The following SUMF1 variants were observed in gnomAD, a reference collection of about 807,000 sequenced individuals.
SUMF1 encodes sulfatase modifying factor 1.
SUMF1 carries 48 observed loss-of-function variants against 47.6 expected under a neutral mutation model. The observed-to-expected ratio is 1.01, with a 90% CI of 0.80 to 1.28. The LOEUF (loss-of-function observed/expected upper bound fraction) is 1.28. Ranked by LOEUF, SUMF1 falls within the 50% of genes most tolerant of loss-of-function variation. SUMF1 has a pLI of 0.00. For synonymous variants in SUMF1, 230 were observed against 192.1 expected (o/e 1.20, Z -1.63); for missense variants, 571 against 485.4 (o/e 1.18, Z -1.66).
intron 8 of SUMF1, among the ~76,000 whole-genome samples, chr3:4,210,867 C>T (rs1247715506): frequency 2.0e-5 from 3 of 151,630 alleles, no homozygotes; most frequent in Admixed American, 1.3e-4. Flanking sequence ...GTGGGCACCA[C>T]CTAATCAGCT....
chr3:4,343,983 C>T (rs1231480143), intron 8 of SUMF1, among the ~76,000 whole-genome samples: 2 of 152,150 alleles, frequency 1.3e-5, no homozygotes, highest in Non-Finnish European at 2.9e-5. Context: ...AGAACTTTCA[C>T]AAGATATACA....
At chr3:4,123,195 C>T (rs1693582672) in intron 8 of SUMF1, among the ~76,000 whole-genome samples, 1 of 152,002 alleles carries the variant, frequency 6.6e-6, no homozygotes, top group African/African-American at 2.4e-5. Context: ...ATGCAATGGT[C>T]AAGGAAGCAT....
intron 8 of SUMF1, among the ~76,000 whole-genome samples, chr3:4,311,861 C>A (rs1698418374): frequency 1.3e-5 from 2 of 152,144 alleles, no homozygotes; most frequent in South Asian, 4.1e-4. Flanking sequence ...TTACTATATA[C>A]ATAAAAAAAT....
chr3:4,465,954 G>C (rs1013319288), intron 1 of SUMF1, among the ~76,000 whole-genome samples: 4 of 152,096 alleles, frequency 2.6e-5, no homozygotes, highest in Non-Finnish European at 5.9e-5. Flanking sequence ...CCAAAGGAAA[G>C]AAAAATGGAA....
At chr3:4,316,303 A>G in intron 8 of SUMF1, 2 of 1,107,804 alleles carry the variant, frequency 1.8e-6, no homozygotes, top group Non-Finnish European at 2.6e-6. Flanking sequence ...ACAACTCGCA[A>G]CATCAACAAT....
At chr3:4,253,632 T>C (rs1024578681) in intron 8 of SUMF1, among the ~76,000 whole-genome samples, 11 of 151,660 alleles carry the variant, frequency 7.3e-5, no homozygotes, top group Non-Finnish European at 1.5e-4. Context: ...ATCTCGCTGA[T>C]TGCTAGCACA....
At chr3:4,060,556 A>T (rs549445805) in intron 9 of SUMF1, among the ~76,000 whole-genome samples, 42 of 152,292 alleles carry the variant, frequency 2.8e-4, no homozygotes, top group African/African-American at 9.9e-4. Context: ...CTTGGGTAGG[A>T]CCCCATATTC....
intron 9 of SUMF1, among the ~76,000 whole-genome samples, chr3:4,038,057 C>T (rs1478574040): frequency 1.3e-5 from 2 of 152,148 alleles, no homozygotes; most frequent in African/African-American, 4.8e-5. Context: ...GTTCCTCTCC[C>T]ACTTAAGAGC....
chr3:4,154,224 C>T (rs146470702), intron 8 of SUMF1, among the ~76,000 whole-genome samples: 16 of 151,598 alleles, frequency 1.1e-4, no homozygotes, highest in Middle Eastern at 3.4e-3. Context: ...TGGAGAAAGG[C>T]ATGATGGTGG....
chr3:4,336,360 TG>T (rs1471700585), intron 8 of SUMF1, among the ~76,000 whole-genome samples: 1 of 152,150 alleles, frequency 6.6e-6, no homozygotes, highest in Non-Finnish European at 1.5e-5. Flanking sequence ...AGAGGGAGTG[TG>T]GAAGAGTCCA....
intron 8 of SUMF1, among the ~76,000 whole-genome samples, chr3:4,241,873 G>T (rs1051156140): frequency 2.0e-5 from 3 of 152,112 alleles, no homozygotes; most frequent in Non-Finnish European, 4.4e-5. Context: ...ATTTACATAG[G>T]GCCTAGAGAT....
chr3:4,284,441 A>AAGGAGGAGGAGG (rs72201582), intron 8 of SUMF1, among the ~76,000 whole-genome samples: 2,590 of 91,502 alleles, frequency 0.028, 61 homozygotes, highest in African/African-American at 0.046. Flanking sequence ...TAAAAAATGA[A>AAGGAGGAGGAGG]AGGAGGAGGA....
In SUMF1 at chr3:4,302,279, T is replaced by C. The variant is rs116284081; in HGVS notation, c.1014+74051A>G. 3.0e-3 allele frequency among the ~76,000 whole-genome samples: 460 copies of C among 152,218 alleles called. 2 individuals are homozygous for C. The highest frequency in any genetic ancestry group is 0.011 in the African/African-American group (444 of 41,520). ...AATACATCAATCAATACATGTAAGA[T>C]TGGTTGGATCTGGAAAGGCAGACAA... On this transcript the variant is annotated intron_variant and NMD_transcript_variant, in intron 8 of 12. Transcript: ENST00000448413.
intron 8 of SUMF1, among the ~76,000 whole-genome samples, chr3:4,165,751 G>T (rs1054490745): frequency 6.6e-6 from 1 of 151,816 alleles, no homozygotes; most frequent in Non-Finnish European, 1.5e-5. Flanking sequence ...TTCAAAGTTT[G>T]TGGGTCAAAT....
intron 8 of SUMF1, among the ~76,000 whole-genome samples, chr3:4,192,617 T>G (rs1229649622): frequency 6.6e-6 from 1 of 152,126 alleles, no homozygotes; most frequent in Admixed American, 6.6e-5. Flanking sequence ...TTTCCTGAGA[T>G]AGAAGTGTCT....
intron 9 of SUMF1, among the ~76,000 whole-genome samples, chr3:4,049,266 GGCAAATAATTCAATA>G (rs1019203496): frequency 6.6e-6 from 1 of 152,124 alleles, no homozygotes; most frequent in African/African-American, 2.4e-5. Flanking sequence ...ATGGGGCAAA[GGCAAATAATTCAATA>G]GCTCTCACAG....
intron 8 of SUMF1, among the ~76,000 whole-genome samples, chr3:4,168,850 G>A (rs1484753538): frequency 6.6e-6 from 1 of 152,146 alleles, no homozygotes; most frequent in Non-Finnish European, 1.5e-5. Context: ...ACTGGTTACA[G>A]TTGATATAAA....
intron 8 of SUMF1, among the ~76,000 whole-genome samples, chr3:4,081,904 A>G (rs2125045703): frequency 6.6e-6 from 1 of 152,266 alleles, no homozygotes; most frequent in Admixed American, 6.5e-5. Context: ...TTAACTGCCA[A>G]TAGTGTTAGT....
At chr3:4,099,696 A>C (rs1297725035) in intron 8 of SUMF1, among the ~76,000 whole-genome samples, 2 of 152,070 alleles carry the variant, frequency 1.3e-5, no homozygotes, top group Non-Finnish European at 2.9e-5. Flanking sequence ...ACATGATCTT[A>C]TATAGAAAAT....
Sources: allele counts gnomAD v4.1 joint callset (sites outside exome capture counted in the v4.1 genomes callset), GRCh38; gene constraint gnomAD v4.1.1; transcripts MANE v1.5; gene names NCBI Gene and HGNC (gene_info 2026-07-23, HGNC 2026-07-21).